The following EREG variants were observed in gnomAD, a reference collection of about 807,000 sequenced individuals.
EREG encodes the protein epiregulin.
A neutral mutation model predicts 22.4 loss-of-function variants in EREG; 23 were observed. The ratio of observed to expected loss-of-function variants is 1.03; its 90% confidence interval spans 0.74 to 1.46. The LOEUF is 1.46. Ranked by LOEUF, EREG falls within the 40% of genes most tolerant of loss-of-function variation. EREG has a pLI of 0.00. For missense variants in EREG, 226 were observed against 205.9 expected, an observed-to-expected ratio of 1.10 and a Z score of -0.60; for synonymous variants, 100 against 75.4, an observed-to-expected ratio of 1.33 and a Z score of -1.69.
At chr4:74,377,658 C>T (rs1752403468) in intron 1 of EREG, among the ~76,000 whole-genome samples, 1 of 152,184 alleles carries the variant, frequency 6.6e-6, no homozygotes, top group African/African-American at 2.4e-5. Flanking sequence ...TTAATTGACT[C>T]ACAGTTCTAT....
chr4:74,373,939 G>A (rs536022504), intron 1 of EREG, among the ~76,000 whole-genome samples: 55 of 152,106 alleles, frequency 3.6e-4, no homozygotes, highest in Middle Eastern at 3.4e-3. Flanking sequence ...AACAGTGAAG[G>A]CATATTCACT....
chr4:74,377,246 A>G (rs1480582625), intron 1 of EREG, among the ~76,000 whole-genome samples: 1 of 152,158 alleles, frequency 6.6e-6, no homozygotes, highest in Non-Finnish European at 1.5e-5. Flanking sequence ...AGAAAAGTAA[A>G]TTAATTTTTT....
chr4:74,384,498 G>A (rs879659186), intron 4 of EREG, among the ~76,000 whole-genome samples: 2 of 151,632 alleles, frequency 1.3e-5, no homozygotes, highest in Admixed American at 1.3e-4. Context: ...AAGACTTTGA[G>A]AAACTCTTTA....
chr4:74,375,209 C>T (rs1752358367), intron 1 of EREG, among the ~76,000 whole-genome samples: 1 of 150,296 alleles, frequency 6.7e-6, no homozygotes, highest in African/African-American at 2.4e-5. Flanking sequence ...GTTCAAACAA[C>T]ACTAAGGTCA....
At chr4:74,367,343 C>T (rs1421911032) in intron 1 of EREG, among the ~76,000 whole-genome samples, 1 of 152,240 alleles carries the variant, frequency 6.6e-6, no homozygotes, top group East Asian at 1.9e-4. Context: ...GCATTTTTGG[C>T]CTACTGAACA....
intron 1 of EREG, among the ~76,000 whole-genome samples, chr4:74,377,267 C>T (rs898084889): frequency 1.3e-5 from 2 of 151,500 alleles, no homozygotes; most frequent in Admixed American, 6.6e-5. Flanking sequence ...TTCAAGATCA[C>T]GTAGCTCAAG....
chr4:74,366,377 T>C (rs1420387813), intron 1 of EREG, among the ~76,000 whole-genome samples: 1 of 152,152 alleles, frequency 6.6e-6, no homozygotes, highest in Non-Finnish European at 1.5e-5. Flanking sequence ...TTGGCACACC[T>C]TATCTCAGGG....
chr4:74,371,291 A>G (rs1752285970), intron 1 of EREG, among the ~76,000 whole-genome samples: 3 of 152,196 alleles, frequency 2.0e-5, no homozygotes, highest in African/African-American at 7.2e-5. Context: ...TTTAATGATA[A>G]TCTGGATACA....
At chr4:74,379,922 T>A (rs1269730101) in intron 2 of EREG, among the ~76,000 whole-genome samples, 2 of 151,882 alleles carry the variant, frequency 1.3e-5, no homozygotes, top group Non-Finnish European at 2.9e-5. Flanking sequence ...TTTCTACCCC[T>A]CTCTCTCTCT....
intron 1 of EREG, among the ~76,000 whole-genome samples, chr4:74,378,830 T>G (rs534885123): frequency 4.6e-5 from 7 of 152,330 alleles, no homozygotes; most frequent in Non-Finnish European, 7.4e-5. Flanking sequence ...ACTCTTCCTA[T>G]GCTGATAGAA....
intron 1 of EREG, among the ~76,000 whole-genome samples, chr4:74,366,397 C>G (rs1752185290): frequency 6.6e-6 from 1 of 152,000 alleles, no homozygotes; most frequent in South Asian, 2.1e-4. Context: ...GGTTGAGAGA[C>G]CTAATGAAAT....
chr4:74,384,226 T>A (rs1161861739), intron 4 of EREG, among the ~76,000 whole-genome samples: 1 of 152,166 alleles, frequency 6.6e-6, no homozygotes, highest in Non-Finnish European at 1.5e-5. Flanking sequence ...AATGTGAGAG[T>A]AAAATAAATA....
At chr4:74,380,939 G>T in intron 2 of EREG, 75 bp from the exon 3 acceptor site, 1 of 1,497,524 alleles carries the variant, frequency 6.7e-7, no homozygotes, top group East Asian at 2.3e-5. Flanking sequence ...TAGTTCAGTG[G>T]TTACTGTTAT....
At chr4:74,365,754 TG>T (rs1428974966) in intron 1 of EREG, among the ~76,000 whole-genome samples, 1 of 151,800 alleles carries the variant, frequency 6.6e-6, no homozygotes, top group African/African-American at 2.4e-5. Context: ...TCCTTTTTGT[TG>T]GAGAGTGGGG....
chr4:74,368,492 G>C (rs1297821265), intron 1 of EREG, among the ~76,000 whole-genome samples: 1 of 151,992 alleles, frequency 6.6e-6, no homozygotes, highest in African/African-American at 2.4e-5. Flanking sequence ...CATTGATAAG[G>C]GATCAACTTG....
At chr4:74,383,730 C>T (rs1478109808) in intron 4 of EREG, among the ~76,000 whole-genome samples, 1 of 152,122 alleles carries the variant, frequency 6.6e-6, no homozygotes, top group Non-Finnish European at 1.5e-5. Flanking sequence ...TGAAAGTGTG[C>T]TACTTTCATA....
At chr4:74,366,730 C>T (rs914951151) in intron 1 of EREG, among the ~76,000 whole-genome samples, 1 of 152,138 alleles carries the variant, frequency 6.6e-6, no homozygotes, top group South Asian at 2.1e-4. Flanking sequence ...CTGTGAATAA[C>T]CTGGTTACTA....
intron 1 of EREG, among the ~76,000 whole-genome samples, chr4:74,377,951 G>A (rs1413956568): frequency 6.6e-6 from 1 of 152,156 alleles, no homozygotes; most frequent in Non-Finnish European, 1.5e-5. Context: ...GGGACACAGA[G>A]CCAAACTATA....
At position 74,387,099 on chromosome 4, in the gene EREG, G is replaced by C. The variant is rs1047267276; in HGVS notation, c.*2291G>C. 6.6e-6 allele frequency: 1 copy of C among 152,054 alleles called. No individual in the cohort carries two copies. The highest frequency in any genetic ancestry group is 2.4e-5 in the African/African-American group (1 of 41,374). The allele number at this position is 152,054 out of a possible 1,614,324, so 9.4% of individuals were successfully genotyped here. On this transcript the variant is annotated 3_prime_UTR_variant, in exon 5 of 5. Coordinates refer to ENST00000244869, the MANE Select transcript of EREG (RefSeq NM_001432.3). ...CCACCGCACGTAGCATTTACATTAG[G>C]TATTACAAGTAATGTAAAGATGATT... is the stretch of plus-strand genomic sequence containing the variant.
Sources: allele counts gnomAD v4.1 joint callset (sites outside exome capture counted in the v4.1 genomes callset), GRCh38; gene constraint gnomAD v4.1.1; transcripts MANE v1.5; gene names NCBI Gene and HGNC (gene_info 2026-07-23, HGNC 2026-07-21).